ITPK1: variants seen among roughly 807,000 people sequenced by gnomAD.
The protein encoded by ITPK1 is inositol 1,3,4-trisphosphate 5/6-kinase.
ITPK1 carries 21 observed loss-of-function variants against 45.3 expected under a neutral mutation model. The ratio of observed to expected loss-of-function variants is 0.46; its 90% confidence interval spans 0.33 to 0.67. The LOEUF (loss-of-function observed/expected upper bound fraction) is 0.67. Ranked by LOEUF, ITPK1 falls within the 30% of genes least tolerant of loss-of-function variation. The pLI is 0.02. For synonymous variants in ITPK1, 258 were observed against 253.6 expected (o/e 1.02, Z -0.16); for missense variants, 474 against 573.5 (o/e 0.83, Z 1.77).
rs116041896 is a variant in ITPK1 at position 93,100,208 on chromosome 14, G to C, written c.95+14861C>G. 5.8e-3 allele frequency among the ~76,000 whole-genome samples: 877 copies of C among 152,284 alleles called. 16 individuals are homozygous for C. Among genetic ancestry groups the C allele is most frequent in the African/African-American group, 0.02 (823 of 41,556 alleles). On this transcript the variant is annotated intron_variant, in intron 2 of 10. Coordinates refer to ENST00000267615, the MANE Select transcript of ITPK1 (RefSeq NM_014216.6). ...ATGACAAATCAGAGGCCAACAGAAGGAATCCCTGTCCCTGTGGACCTGGAG... is the reference window on the plus strand; with the variant it reads ...ATGACAAATCAGAGGCCAACAGAAGCAATCCCTGTCCCTGTGGACCTGGAG...
chr14:93,102,316 TG>T (rs376025406), intron 2 of ITPK1, among the ~76,000 whole-genome samples: 67 of 152,360 alleles, frequency 4.4e-4, no homozygotes, highest in African/African-American at 1.6e-3. Flanking sequence ...AAAGGGTGCT[TG>T]GGAGCTGACT....
rs767455647 is a variant in ITPK1 at position 92,946,442 on chromosome 14, C to T, written c.790G>A (p.Glu264Lys). The change falls in exon 10 of 11, where the codon GAG (glutamate) becomes AAG (lysine). Residue 264 changes from glutamate to lysine, a missense_variant. By Grantham distance (56) the Glu-to-Lys change is moderately conservative. Around this residue, in one of 2 missense-constraint regions of ITPK1, gnomAD observed 367 missense variants for 480.6 expected, o/e 0.76. Transcript: ENST00000267615. ...GCCTGCCGCAGGGCCCGGGAGAGCT[C>T]CCGGATGACCTCGTCGCTCGGCCGC... ...FERPSDEVIR[E>K]LSRALRQALG... is the part of the protein sequence containing the mutation. 6.2e-7 allele frequency: 1 copy of T among 1,613,190 alleles called. No individual in the cohort carries two copies. The highest frequency in any genetic ancestry group is 1.7e-5 in the Admixed American group (1 of 60,038).
rs79666246 is a variant in ITPK1, at chr14:93,053,327, C to T, written c.120+23268G>A. On this transcript the variant is annotated intron_variant, in intron 3 of 10. Transcript: ENST00000267615. ...GATGTGCTCCCTGGGGGTTCCAGTGCACACTCCAGTTTGAGAACCATTACT... is the reference window on the plus strand; with the variant it reads ...GATGTGCTCCCTGGGGGTTCCAGTGTACACTCCAGTTTGAGAACCATTACT... 2.0e-5 allele frequency among the ~76,000 whole-genome samples: 3 copies of T among 152,182 alleles called. No individual in the cohort carries two copies. The East Asian group carries it at 5.8e-4, about 29-fold the overall frequency.
At chr14:93,114,924 C>T (rs953979977) in intron 2 of ITPK1, 145 bp downstream of exon 2, 2 of 500,672 alleles carry the variant, frequency 4.0e-6, no homozygotes, top group South Asian at 2.9e-5. Context: ...CACCTGGCTG[C>T]TCGGACTCAG....
At chr14:93,043,026 T>C (rs1215051851) in intron 3 of ITPK1, among the ~76,000 whole-genome samples, 4 of 148,294 alleles carry the variant, frequency 2.7e-5, no homozygotes, top group Non-Finnish European at 4.5e-5. Flanking sequence ...AAAAAAAAAG[T>C]TTCAATCTTA....
intron 5 of ITPK1, among the ~76,000 whole-genome samples, chr14:92,988,021 G>A (rs571855039): frequency 5.9e-5 from 9 of 152,310 alleles, no homozygotes; most frequent in Non-Finnish European, 7.4e-5. Context: ...CCTGCTCTGC[G>A]GAGCCTCCCC....
chr14:92,941,989 G>A, intron 10 of ITPK1, 85 bp from the exon 11 acceptor site: 1 of 1,183,264 alleles, frequency 8.5e-7, no homozygotes, highest in South Asian at 1.3e-5. Flanking sequence ...CAGAACCGAT[G>A]GGCTCCTGGG....
intron 2 of ITPK1, among the ~76,000 whole-genome samples, chr14:93,091,427 G>A (rs183216446): frequency 2.6e-5 from 4 of 152,250 alleles, no homozygotes; most frequent in Admixed American, 6.5e-5. Flanking sequence ...AGCTGGCCTC[G>A]GGCTCTTCCC....
chr14:93,002,887 T>G (rs969338042), intron 4 of ITPK1, among the ~76,000 whole-genome samples: 2 of 152,098 alleles, frequency 1.3e-5, no homozygotes, highest in African/African-American at 2.4e-5. Flanking sequence ...TCACTGGTTG[T>G]TTGTTCTCTC....
In ITPK1 at chr14:93,087,755, G is replaced by A. The variant is rs569015640; in HGVS notation, c.96-11136C>T. ...GTCAGGCAGGAATGAATGAGGACCT[G>A]TCAGGAGTTTGTAGGGGCCTTCAAC... On this transcript the variant is annotated intron_variant, in intron 2 of 10. Coordinates refer to ENST00000267615, the MANE Select transcript of ITPK1 (RefSeq NM_014216.6). Among the ~76,000 whole-genome samples, 13 of 152,338 alleles carry A rather than the reference G, an allele frequency of 8.5e-5. No individual in the cohort carries two copies. The South Asian group carries it at 1.9e-3, about 22-fold the overall frequency.
At chr14:93,025,361 A>G (rs1258059161) in intron 3 of ITPK1, among the ~76,000 whole-genome samples, 1 of 152,168 alleles carries the variant, frequency 6.6e-6, no homozygotes, top group Non-Finnish European at 1.5e-5. Context: ...CAGGCAGAAA[A>G]TCTTGACTTT....
chr14:93,050,884 G>A (rs555151466), intron 3 of ITPK1, among the ~76,000 whole-genome samples: 18 of 152,160 alleles, frequency 1.2e-4, no homozygotes, highest in Non-Finnish European at 2.4e-4. Context: ...CTGTGCAGGC[G>A]AGTCCAATGC....
At chr14:93,039,546 C>T (rs1159019567) in intron 3 of ITPK1, among the ~76,000 whole-genome samples, 1 of 152,198 alleles carries the variant, frequency 6.6e-6, no homozygotes, top group Non-Finnish European at 1.5e-5. Flanking sequence ...GTATCTTTAC[C>T]AGCCCAAGGT....
intron 2 of ITPK1, among the ~76,000 whole-genome samples, chr14:93,093,849 C>T (rs1272345016): frequency 1.3e-5 from 2 of 152,250 alleles, no homozygotes; most frequent in Non-Finnish European, 2.9e-5. Flanking sequence ...TGGCTTCCAC[C>T]CAGCAGCCAA....
Position 92,941,267 on chromosome 14 carries a change from C to T in ITPK1, c.*294G>A, listed in dbSNP as rs1479007609. 12 of 1,376,256 alleles carry T rather than the reference C, an allele frequency of 8.7e-6. No individual in the cohort carries two copies. The highest frequency in any genetic ancestry group is 1.1e-5 in the Non-Finnish European group (12 of 1,067,612). 85.3% of individuals were successfully genotyped at this position (1,376,256 alleles called of 1,614,324 possible). ...ATGGCAGCCATACGCACACCCCTCA[C>T]CTCCCATCCAGACCTAGTGTTGCAA... On this transcript the variant is annotated 3_prime_UTR_variant, in exon 11 of 11. Transcript: ENST00000267615.
At chr14:93,075,590 A>T (rs1314908781) in intron 3 of ITPK1, among the ~76,000 whole-genome samples, 2 of 152,178 alleles carry the variant, frequency 1.3e-5, no homozygotes, top group Non-Finnish European at 2.9e-5. Flanking sequence ...TCCCAGGAGC[A>T]GGGGAAACCT....
chr14:93,095,742 C>G (rs559143581), intron 2 of ITPK1, among the ~76,000 whole-genome samples: 24 of 151,882 alleles, frequency 1.6e-4, no homozygotes, highest in Non-Finnish European at 2.9e-5. Context: ...CCCTTGCCCC[C>G]CTCTCCCATT....
At chr14:93,006,334 T>C (rs751761320) in intron 4 of ITPK1, among the ~76,000 whole-genome samples, 2 of 152,150 alleles carry the variant, frequency 1.3e-5, no homozygotes, top group Non-Finnish European at 2.9e-5. Flanking sequence ...AGAATGAATA[T>C]AGAATAAGGG....
chr14:93,049,986 C>A (rs1490190449), intron 3 of ITPK1, among the ~76,000 whole-genome samples: 2 of 152,086 alleles, frequency 1.3e-5, no homozygotes, highest in Admixed American at 1.3e-4. Flanking sequence ...AGGTTCTAGG[C>A]CTGCCATGGG....
Sources: gnomAD v4.1 joint callset for allele counts (sites outside exome capture counted in the v4.1 genomes callset) on GRCh38, gnomAD v4.1.1 for gene constraint, gnomAD v4.1.1 regional missense constraint, MANE v1.5 for transcripts, NCBI Gene and HGNC (gene_info 2026-07-23, HGNC 2026-07-21) for gene names.